Variants in DSC3 observed in about 807,000 individuals in gnomAD.
DSC3 encodes desmocollin-3.
A neutral mutation model predicts 89.5 loss-of-function variants in DSC3; 97 were observed. That is an observed-to-expected ratio of 1.08 (90% CI 0.92 to 1.28). The LOEUF (loss-of-function observed/expected upper bound fraction) is 1.28. DSC3 is among the 50% of genes most tolerant of loss of function. DSC3 has a pLI of 0.00. For synonymous variants in DSC3, 436 were observed against 384.1 expected (o/e 1.14, Z -1.58); for missense variants, 1,199 against 1,085.3 (o/e 1.10, Z -1.47).
At position 31,004,383 on chromosome 18, in the gene DSC3, G is replaced by C. The variant is rs559199905; in HGVS notation, c.1889-17C>G. 1.0e-5 allele frequency: 16 copies of C among 1,599,888 alleles called. No individual in the cohort carries two copies. In the African/African-American group the frequency reaches 1.5e-4, roughly 15 times the overall value. On this transcript the variant is annotated splice_polypyrimidine_tract_variant and intron_variant, in intron 12 of 15. Coordinates refer to ENST00000360428, the MANE Select transcript of DSC3 (RefSeq NM_001941.5). ...CAGCTGTATCTGAAAGAAAATAAAA[G>C]AAGTTTATTTTTTAATGATCATTTA... is the stretch of plus-strand genomic sequence containing the variant.
intron 6 of DSC3, 35 bp downstream of exon 6, chr18:31,024,314 A>T: frequency 6.5e-7 from 1 of 1,537,422 alleles, no homozygotes; most frequent in Non-Finnish European, 8.8e-7. Flanking sequence ...AGACATATTT[A>T]AAATGATTCT....
At position 30,994,165 on chromosome 18, in the gene DSC3, C is replaced by T. The variant is rs1007348411; in HGVS notation, c.*10G>A. On this transcript the variant is annotated 3_prime_UTR_variant, in exon 16 of 16. Coordinates refer to ENST00000360428, the MANE Select transcript of DSC3 (RefSeq NM_001941.5). ...ATGTCTGACAAAGACCTAATTGTAG[C>T]ACTGTGACATTATCTCTTTGTGCAT... is the stretch of plus-strand genomic sequence containing the variant. 1 of 1,612,172 alleles carries T rather than the reference C, an allele frequency of 6.2e-7. No individual in the cohort carries two copies. Among genetic ancestry groups the T allele is most frequent in the Non-Finnish European group, 8.5e-7 (1 of 1,178,472 alleles).
Position 31,008,260 on chromosome 18 carries a change from T to G in DSC3, c.1520+9A>C. 6.2e-7 allele frequency: 1 copy of G among 1,613,836 alleles called. No homozygotes were observed. Among genetic ancestry groups the G allele is most frequent in the Non-Finnish European group, 8.5e-7 (1 of 1,179,840 alleles). Reference sequence around the variant, plus strand: ...CATTATTAGTATGTGGTTATAGATTTATTTTTACCTTAAACCATTGCCATT... The same window carrying G: ...CATTATTAGTATGTGGTTATAGATTGATTTTTACCTTAAACCATTGCCATT... On this transcript the variant is annotated intron_variant, in intron 10 of 15. Coordinates refer to ENST00000360428, the MANE Select transcript of DSC3 (RefSeq NM_001941.5).
At chr18:30,994,540 A>T in intron 15 of DSC3, 168 bp from the exon 16 acceptor site, 1 of 1,475,478 alleles carries the variant, frequency 6.8e-7, no homozygotes. Flanking sequence ...TCACAACCAT[A>T]CCATAAAGTC....
chr18:31,042,392 C>T (rs1482346273), intron 1 of DSC3, among the ~76,000 whole-genome samples, 200 bp downstream of exon 1: 1 of 152,222 alleles, frequency 6.6e-6, no homozygotes, highest in African/African-American at 2.4e-5. Context: ...ACAAAAAGCT[C>T]AGTCCAGAGT....
chr18:30,992,421 GTCT>G lies in DSC3; in HGVS notation c.*1751_*1753del, dbSNP rs1190605939. ...TCAGACTCATCATGCAGTCAGCTCTGTCTCCTTGATTTCTCACTCCAAATAAGG... is the reference window on the plus strand; with the variant it reads ...TCAGACTCATCATGCAGTCAGCTCTGCCTTGATTTCTCACTCCAAATAAGG... On this transcript the variant is annotated 3_prime_UTR_variant, in exon 16 of 16. Coordinates refer to ENST00000360428, the MANE Select transcript of DSC3 (RefSeq NM_001941.5). 6.6e-6 allele frequency: 1 copy of G among 152,234 alleles called. No homozygotes were observed. The highest frequency in any genetic ancestry group is 6.5e-5 in the Admixed American group (1 of 15,286). 9.4% of individuals were successfully genotyped at this position (152,234 alleles called of 1,614,324 possible).
intron 1 of DSC3, among the ~76,000 whole-genome samples, chr18:31,040,104 A>G (rs537883001): frequency 3.9e-5 from 6 of 152,290 alleles, no homozygotes; most frequent in African/African-American, 1.4e-4. Context: ...ATGCCTATTT[A>G]TCAACATAGG....
chr18:31,006,970 A>G lies in DSC3; in HGVS notation c.1825T>C (p.Tyr609His). The G allele has an allele frequency of 6.2e-7, 1 of 1,613,950 alleles. No individual in the cohort carries two copies. The highest frequency in any genetic ancestry group is 8.5e-7 in the Non-Finnish European group (1 of 1,179,932). ...GGAGAAGTATTGGGCAAACTGAAAT[A>G]AAATGGAGCTCCATGGACAGGTTCA... Reference protein sequence around the residue: ...PDEPVHGAPFYFSLPNTSPEI... With the variant: ...PDEPVHGAPFHFSLPNTSPEI... The change falls in exon 12 of 16, where the codon TAT becomes CAT. Residue 609 changes from tyrosine to histidine, a missense_variant. By Grantham distance (83) the Tyr-to-His change is moderately conservative (BLOSUM62 2). Transcript: ENST00000360428.
At position 30,995,971 on chromosome 18, in the gene DSC3, TAAAAAAAA is replaced by T. The variant is rs1196444633; in HGVS notation, c.2493+812_2493+819del. Among the ~76,000 whole-genome samples, 300 of 37,038 alleles carry T rather than the reference TAAAAAAAA, an allele frequency of 8.1e-3. 7 individuals carry two copies. The East Asian group carries it at 0.19, about 24-fold the overall frequency. 24.3% of individuals were successfully genotyped at this position (37,038 alleles called of 152,430 possible). A position where few individuals can be genotyped will look rare whatever the true frequency, so the allele number is the denominator to read the frequency against. On this transcript the variant is annotated intron_variant, in intron 15 of 15. Transcript: ENST00000360428. Reference sequence around the variant, plus strand: ...TCAGCGACAGAGCAAGACCCTGCCTTAAAAAAAAAAAAAAAAAAAAAAAAAAAAGAAAA... The same window carrying T: ...TCAGCGACAGAGCAAGACCCTGCCTTAAAAAAAAAAAAAAAAAAAAGAAAA...
At chr18:31,014,456 TTTTTTGTTTCTTTTGAACTTTGAA>T (rs1252527322) in intron 9 of DSC3, among the ~76,000 whole-genome samples, 2 of 152,060 alleles carry the variant, frequency 1.3e-5, no homozygotes, top group Non-Finnish European at 2.9e-5. Context: ...TTACACCATG[TTTTTTGTTTCTTTTGAACTTTGAA>T]TTTTTGTTTC....
chr18:31,008,651 G>T, intron 9 of DSC3, 126 bp from the exon 10 acceptor site: 1 of 1,272,490 alleles, frequency 7.9e-7, no homozygotes, highest in Non-Finnish European at 1.1e-6. Context: ...TGTTAATACT[G>T]ACTTTTATCC....
Position 30,994,393 on chromosome 18 carries a change from T to C in DSC3, c.2494-21A>G. On this transcript the variant is annotated intron_variant, in intron 15 of 15. Coordinates refer to ENST00000360428, the MANE Select transcript of DSC3 (RefSeq NM_001941.5). ...AATTTCTGTAAAATTTTTTAAAAAA[T>C]GAATTGCATTATAGTTTTAAACAAC... The C allele has an allele frequency of 1.9e-6, 3 of 1,609,822 alleles. No homozygotes were observed. The South Asian group carries it at 3.3e-5, about 18-fold the overall frequency.
chr18:31,041,383 A>G (rs573541614), intron 1 of DSC3, among the ~76,000 whole-genome samples: 1 of 152,330 alleles, frequency 6.6e-6, no homozygotes, highest in East Asian at 1.9e-4. Context: ...GGATGCGCTT[A>G]TTTGTCCAAT....
chr18:31,039,382 C>T (rs1420394281), intron 1 of DSC3, among the ~76,000 whole-genome samples: 1 of 152,040 alleles, frequency 6.6e-6, no homozygotes, highest in Non-Finnish European at 1.5e-5. Context: ...CACCCTACTT[C>T]AGTAGAGAAG....
At position 31,029,538 on chromosome 18, in the gene DSC3, A is replaced by G. The variant is rs1399137643; in HGVS notation, c.445T>C (p.Leu149=). 6.2e-7 allele frequency: 1 copy of G among 1,613,922 alleles called. No homozygotes were observed. Among genetic ancestry groups the G allele is most frequent in the East Asian group, 2.2e-5 (1 of 44,868 alleles). Residue 149 remains leucine, a synonymous_variant, in exon 4 of 16, where the codon TTG becomes CTG. Transcript: ENST00000360428. ...TGAAGAAACAATGGGAAAGGGCCCA[A>G]GGAATTCTCTTGCATAGAGCAAGGA... is the stretch of plus-strand genomic sequence containing the variant. ...PIPCSMQENS[L]GPFPLFLQQV...
rs114495816 is a variant in DSC3, at chr18:31,006,908, A to G, written c.1887T>C (p.Asn629=). 14 of 1,603,392 alleles carry G rather than the reference A, an allele frequency of 8.7e-6. No individual in the cohort carries two copies. Among genetic ancestry groups the G allele is most frequent in the Admixed American group, 3.3e-5 (2 of 59,936 alleles). ...ISRLWSLTKV[N]DTAARLSYQK... ...AAATCATTATTTTTTATTAAATACC[A>G]TTAACTTTGGTGAGGCTCCACAGTC... Residue 629 remains asparagine (N), a splice_region_variant and synonymous_variant, in exon 12 of 16, where the codon AAT becomes AAC. Coordinates refer to ENST00000360428, the MANE Select transcript of DSC3 (RefSeq NM_001941.5).
chr18:31,042,553 C>T (rs1394721904), intron 1 of DSC3, 39 bp downstream of exon 1: 3 of 1,542,400 alleles, frequency 1.9e-6, no homozygotes, highest in Non-Finnish European at 1.8e-6. Flanking sequence ...GATCCACCCC[C>T]GTCCCCACCC....
intron 9 of DSC3, among the ~76,000 whole-genome samples, chr18:31,012,488 T>G (rs567663768): frequency 9.4e-4 from 143 of 152,264 alleles, no homozygotes; most frequent in Non-Finnish European, 1.5e-3. Flanking sequence ...CAGAGTTATC[T>G]CTCCTAGATA....
chr18:31,008,437 G>A lies in DSC3; in HGVS notation c.1352C>T (p.Thr451Ile). Residue 451 changes from threonine to isoleucine, a missense_variant, in exon 10 of 16, where the codon ACA becomes ATA. Coordinates refer to ENST00000360428, the MANE Select transcript of DSC3 (RefSeq NM_001941.5). ...APFARDIPRV[T>I]ALNRALVTVH... Reference sequence around the variant, plus strand: ...TGTAACCAAGGCTCTGTTCAAGGCTGTCACTCTGGGAATATCTCTAGCAAA... The same window carrying A: ...TGTAACCAAGGCTCTGTTCAAGGCTATCACTCTGGGAATATCTCTAGCAAA... 8 of 1,614,152 alleles carry A rather than the reference G, an allele frequency of 5.0e-6. No individual in the cohort carries two copies. The highest frequency in any genetic ancestry group is 6.8e-6 in the Non-Finnish European group (8 of 1,180,008).
Sources: allele counts gnomAD v4.1 joint callset (sites outside exome capture counted in the v4.1 genomes callset), GRCh38; gene constraint gnomAD v4.1.1; transcripts MANE v1.5; gene names NCBI Gene and HGNC (gene_info 2026-07-23, HGNC 2026-07-21).